SPAG16: variants seen among roughly 807,000 people sequenced by gnomAD.
SPAG16 encodes sperm-associated antigen 16 protein.
In SPAG16, 86 loss-of-function variants were observed where a neutral mutation model predicts 80.4. The observed-to-expected ratio is 1.07, with a 90% CI of 0.90 to 1.28. The LOEUF (loss-of-function observed/expected upper bound fraction) is 1.28. Among genes scored for constraint, SPAG16 ranks in the 50% most tolerant of loss-of-function variants. The probability of loss-of-function intolerance (pLI) is 0.00; values close to 1 mark genes in which losing one functional copy is unlikely to be tolerated. For missense variants in SPAG16, 870 were observed against 765.3 expected, an observed-to-expected ratio of 1.14 and a Z score of -1.61; for synonymous variants, 294 against 265.9, an observed-to-expected ratio of 1.11 and a Z score of -1.03.
intron 10 of SPAG16, among the ~76,000 whole-genome samples, chr2:213,770,087 ATTTAT>A (rs1280749920): frequency 6.6e-6 from 1 of 152,126 alleles, no homozygotes; most frequent in African/African-American, 2.4e-5. Flanking sequence ...TGCTCTGTGT[ATTTAT>A]TTTACTGAGT....
At chr2:214,274,443 G>C (rs181732103) in intron 15 of SPAG16, among the ~76,000 whole-genome samples, 2 of 152,116 alleles carry the variant, frequency 1.3e-5, no homozygotes. Context: ...GTCATAAATA[G>C]CTCTTACTAT....
At chr2:214,091,488 T>C (rs1442508699) in intron 13 of SPAG16, among the ~76,000 whole-genome samples, 1 of 152,144 alleles carries the variant, frequency 6.6e-6, no homozygotes, top group Non-Finnish European at 1.5e-5. Flanking sequence ...ACTTGCTGTA[T>C]ATACCTGCAT....
intron 10 of SPAG16, among the ~76,000 whole-genome samples, chr2:213,723,502 T>C (rs4673753): frequency 0.93 from 141,428 of 152,210 alleles, 66,617 homozygotes; most frequent in East Asian, 1. Context: ...ATTGTTGAAT[T>C]GAATGTAGAA....
chr2:213,785,095 T>A (rs1342731353), intron 10 of SPAG16, among the ~76,000 whole-genome samples: 1 of 152,146 alleles, frequency 6.6e-6, no homozygotes, highest in Non-Finnish European at 1.5e-5. Context: ...TGGACGTATA[T>A]AATGTAAACA....
chr2:214,053,045 G>A (rs1054484522), intron 13 of SPAG16, among the ~76,000 whole-genome samples: 22 of 152,086 alleles, frequency 1.4e-4, no homozygotes, highest in Admixed American at 1.4e-3. Context: ...GAGTTCACAT[G>A]GGACCAAAAA....
At chr2:214,153,520 G>C (rs2056079175) in intron 15 of SPAG16, among the ~76,000 whole-genome samples, 1 of 151,990 alleles carries the variant, frequency 6.6e-6, no homozygotes, top group Non-Finnish European at 1.5e-5. Flanking sequence ...CGCCTGGGTG[G>C]CTTGCCACCC....
At chr2:213,591,929 A>G (rs947160443) in intron 10 of SPAG16, among the ~76,000 whole-genome samples, 2 of 152,254 alleles carry the variant, frequency 1.3e-5, no homozygotes, top group Non-Finnish European at 2.9e-5. Context: ...CTAGAATTAA[A>G]CAATGCAGAA....
intron 10 of SPAG16, among the ~76,000 whole-genome samples, chr2:213,777,513 T>C (rs2069675485): frequency 6.6e-6 from 1 of 152,004 alleles, no homozygotes; most frequent in Non-Finnish European, 1.5e-5. Flanking sequence ...TTCACGCCAT[T>C]CTCCTGCCTC....
intron 12 of SPAG16, among the ~76,000 whole-genome samples, chr2:213,999,714 C>CCTG (rs1487956674): frequency 6.6e-6 from 1 of 152,222 alleles, no homozygotes; most frequent in African/African-American, 2.4e-5. Flanking sequence ...GAGGCTGTAC[C>CCTG]CTGCAAAGCC....
At chr2:213,724,532 CT>C (rs2066667656) in intron 10 of SPAG16, among the ~76,000 whole-genome samples, 1 of 151,916 alleles carries the variant, frequency 6.6e-6, no homozygotes, top group Admixed American at 6.5e-5. Context: ...AATCCCAGCA[CT>C]TTGGGAGGCT....
intron 1 of SPAG16, among the ~76,000 whole-genome samples, chr2:213,293,188 T>C (rs557741174): frequency 6.6e-6 from 1 of 152,328 alleles, no homozygotes; most frequent in East Asian, 1.9e-4. Flanking sequence ...CATGGTGCCC[T>C]GTGAAGAAGT....
intron 9 of SPAG16, among the ~76,000 whole-genome samples, chr2:213,454,083 T>G (rs1385461396): frequency 6.6e-6 from 1 of 152,148 alleles, no homozygotes; most frequent in African/African-American, 2.4e-5. Context: ...CAGAAATCCC[T>G]AATATACTTG....
rs562955425 is a variant in SPAG16, at chr2:213,777,475, C to A, written c.1071-85010C>A. Among the ~76,000 whole-genome samples, 365 of 151,860 alleles carry A rather than the reference C, an allele frequency of 2.4e-3. 3 individuals are homozygous for A. Among genetic ancestry groups the A allele is most frequent in the African/African-American group, 8.2e-3 (340 of 41,404 alleles). ...AGGCTGGAGTGCAGTGGCGCGATCT[C>A]CCCTTACTGCAAGCTCCGCCTCCCG... is the stretch of plus-strand genomic sequence containing the variant. On this transcript the variant is annotated intron_variant, in intron 10 of 15. Transcript: ENST00000331683.
At chr2:213,939,247 A>C (rs6435806) in intron 12 of SPAG16, among the ~76,000 whole-genome samples, 111,986 of 152,142 alleles carry the variant, frequency 0.74, 41,476 homozygotes, top group South Asian at 0.86. Flanking sequence ...TGTACCAAGT[A>C]ATATAGCTGG....
At chr2:213,547,724 T>C (rs1392609037) in intron 10 of SPAG16, among the ~76,000 whole-genome samples, 1 of 152,214 alleles carries the variant, frequency 6.6e-6, no homozygotes, top group Non-Finnish European at 1.5e-5. Flanking sequence ...GGTACCATAC[T>C]CCACCTGCAA....
At chr2:213,654,060 T>C (rs2063124111) in intron 10 of SPAG16, among the ~76,000 whole-genome samples, 1 of 152,208 alleles carries the variant, frequency 6.6e-6, no homozygotes, top group Non-Finnish European at 1.5e-5. Flanking sequence ...GAGTTGATGA[T>C]TGCAGGTTTG....
chr2:214,212,928 C>T (rs951290021), intron 15 of SPAG16, among the ~76,000 whole-genome samples: 2 of 152,204 alleles, frequency 1.3e-5, no homozygotes, highest in African/African-American at 2.4e-5. Context: ...GCACAGACTC[C>T]TCACCTGCCC....
chr2:214,293,518 C>T (rs1194391698), intron 15 of SPAG16, among the ~76,000 whole-genome samples: 2 of 152,110 alleles, frequency 1.3e-5, no homozygotes, highest in East Asian at 3.8e-4. Context: ...TCATCAGGAC[C>T]CCTGGTAGTA....
At chr2:214,052,116 A>G (rs1440925066) in intron 13 of SPAG16, among the ~76,000 whole-genome samples, 2 of 152,178 alleles carry the variant, frequency 1.3e-5, no homozygotes, top group African/African-American at 4.8e-5. Context: ...TTCAATTATT[A>G]TGACATCATT....
Sources: gnomAD v4.1 joint callset for allele counts (sites outside exome capture counted in the v4.1 genomes callset) on GRCh38, gnomAD v4.1.1 for gene constraint, MANE v1.5 for transcripts, NCBI Gene and HGNC (gene_info 2026-07-23, HGNC 2026-07-21) for gene names.